The following MORN1 variants were observed in gnomAD, a reference collection of about 807,000 sequenced individuals.
The protein encoded by MORN1 is MORN repeat containing 1, also known as MORN repeat-containing protein 1.
A neutral mutation model predicts 61.9 loss-of-function variants in MORN1; 67 were observed. That is an observed-to-expected ratio of 1.08 (90% CI 0.89 to 1.33). MORN1 has a LOEUF of 1.33. MORN1 is among the 40% of genes most tolerant of loss of function. The probability of loss-of-function intolerance (pLI) is 0.00; values close to 1 mark genes in which losing one functional copy is unlikely to be tolerated. For synonymous variants in MORN1, 301 were observed against 292.0 expected, an observed-to-expected ratio of 1.03 and a Z score of -0.31; for missense variants, 752 against 691.2, an observed-to-expected ratio of 1.09 and a Z score of -0.99.
intron 10 of MORN1, chr1:2,350,327 C>T (rs886107540): frequency 2.6e-5 from 4 of 152,206 alleles, no homozygotes; most frequent in Non-Finnish European, 5.9e-5. Context: ...AACTAAACAA[C>T]TGAAATATTT....
chr1:2,385,038 C>T lies in MORN1; in HGVS notation c.477G>A (p.Trp159Ter), dbSNP rs1642460576. Residue 159 changes from tryptophan to a stop codon, truncating the protein, a stop_gained, in exon 6 of 14, where the codon TGG (tryptophan) becomes TGA (stop). Transcript: ENST00000378531. LOFTEE classifies it high-confidence loss of function. Reference sequence around the variant, plus strand: ...CGTGTCCCTGACGCCGGTCCCGGACCCAGTCGCCGTCGTACTTGTCACCGT... The same window carrying T: ...CGTGTCCCTGACGCCGGTCCCGGACTCAGTCGCCGTCGTACTTGTCACCGT... ...FQNGDKYDGD[W>*]VRDRRQGHGV... is the part of the protein sequence containing the mutation. 19 of 1,598,878 alleles carry T rather than the reference C, an allele frequency of 1.2e-5. No individual in the cohort carries two copies. Among genetic ancestry groups the T allele is most frequent in the Non-Finnish European group, 1.5e-5 (18 of 1,174,372 alleles).
At chr1:2,355,098 A>C in intron 10 of MORN1, 8 of 965,542 alleles carry the variant, frequency 8.3e-6, no homozygotes, top group Non-Finnish European at 8.7e-6. Flanking sequence ...CGCGCGGGGT[A>C]GGGTGCGATG....
intron 10 of MORN1, among the ~76,000 whole-genome samples, chr1:2,342,420 A>G (rs1412143881): frequency 6.6e-6 from 1 of 152,258 alleles, no homozygotes; most frequent in Non-Finnish European, 1.5e-5. Context: ...TTAAAAACAT[A>G]AAACGTTATT....
At chr1:2,323,860 G>T (rs1032310949) in intron 13 of MORN1, 2 of 985,064 alleles carry the variant, frequency 2.0e-6, no homozygotes, top group Non-Finnish European at 2.4e-6. Context: ...CCACATCAAG[G>T]GCTGTGTCGG....
rs116549910 is a variant in MORN1 at position 2,367,609 on chromosome 1, C to T, written c.745+4872G>A. 2.9e-3 allele frequency among the ~76,000 whole-genome samples: 434 copies of T among 152,278 alleles called. 2 individuals are homozygous for T. The highest frequency in any genetic ancestry group is 4.5e-3 in the Non-Finnish European group (308 of 68,032). ...ACCAAACAAAAAGATTAATACCGAA[C>T]GGTTCACAGTCCTAAATGTAAGAGC... On this transcript the variant is annotated intron_variant, in intron 8 of 13. Transcript: ENST00000378531.
chr1:2,370,169 C>T (rs1329814995), intron 8 of MORN1, among the ~76,000 whole-genome samples: 3 of 152,174 alleles, frequency 2.0e-5, no homozygotes, highest in East Asian at 1.9e-4. Flanking sequence ...GTGGAGCAGA[C>T]GGGGGGTCCA....
rs1557896292 is a variant in MORN1, at chr1:2,388,305, A to G, written c.181T>C (p.Tyr61His). ...HGKLLFKDGS[Y>H]YEGAFVDGEI... The stretch of plus-strand genomic sequence containing the variant: ...CCGTCCACAAACGCCCCTTCGTAAT[A>G]ACTGCCATCTTTAAATAACAACTTC... Residue 61 changes from tyrosine to histidine, a missense_variant, in exon 3 of 14, where the codon TAT (tyrosine) becomes CAT (histidine). Transcript: ENST00000378531. 6.2e-7 allele frequency: 1 copy of G among 1,613,990 alleles called. No individual in the cohort carries two copies. The highest frequency in any genetic ancestry group is 8.5e-7 in the Non-Finnish European group (1 of 1,179,986).
At chr1:2,387,235 G>T in intron 4 of MORN1, 184 bp downstream of exon 4, 1 of 616,156 alleles carries the variant, frequency 1.6e-6, no homozygotes, top group Non-Finnish European at 2.9e-6. Context: ...TGGGCATACT[G>T]GTGTATGCCG....
rs1268161409 is a variant in MORN1 at position 2,337,791 on chromosome 1, C to T, written c.1037-941G>A. Among the ~76,000 whole-genome samples the T allele has an allele frequency of 6.6e-6, 1 of 152,114 alleles. No individual in the cohort carries two copies. Among genetic ancestry groups the T allele is most frequent in the Non-Finnish European group, 1.5e-5 (1 of 68,008 alleles). On this transcript the variant is annotated intron_variant, in intron 10 of 13. Coordinates refer to ENST00000378531, the MANE Select transcript of MORN1 (RefSeq NM_024848.3). The surrounding 1 kb of genome is among the most constrained non-coding windows in gnomAD (Gnocchi z 5.7). ...TGTGGTGAGGGCTGGAGGTCGGCAC[C>T]AGAGCTGGCTGGACAGGGGAGTTCT...
chr1:2,374,689 C>T (rs1045402474), intron 6 of MORN1, 132 bp from the exon 7 acceptor site: 7 of 683,704 alleles, frequency 1.0e-5, no homozygotes, highest in Non-Finnish European at 7.5e-6. Context: ...CACATCGTCT[C>T]GAGGGTCCTT....
At chr1:2,328,827 C>A (rs1050483755) in intron 12 of MORN1, among the ~76,000 whole-genome samples, 6 of 152,198 alleles carry the variant, frequency 3.9e-5, no homozygotes, top group African/African-American at 1.2e-4. Flanking sequence ...ATGGAACACC[C>A]GGAGAATGTG....
intron 10 of MORN1, among the ~76,000 whole-genome samples, chr1:2,340,056 C>T (rs568930105): frequency 6.6e-6 from 1 of 152,352 alleles, no homozygotes; most frequent in East Asian, 1.9e-4. Context: ...ATCAGGGTGG[C>T]CCTGGCCTGA....
chr1:2,344,902 C>G lies in MORN1; in HGVS notation c.1037-8052G>C, dbSNP rs570085304. 3.9e-5 allele frequency among the ~76,000 whole-genome samples: 6 copies of G among 152,368 alleles called. No individual in the cohort carries two copies. The East Asian group carries it at 1.2e-3, about 29-fold the overall frequency. On this transcript the variant is annotated intron_variant, in intron 10 of 13. Coordinates refer to ENST00000378531, the MANE Select transcript of MORN1 (RefSeq NM_024848.3). ...TGACCGTCTCTCTGTTGGCACAAAG[C>G]GAGAGCATCAAAGACAGCGTCAGCC...
Position 2,336,148 on chromosome 1 carries a change from C to T in MORN1, c.1250+321G>A, listed in dbSNP as rs917722489. Among the ~76,000 whole-genome samples the T allele has an allele frequency of 6.0e-4, 92 of 152,222 alleles. 2 individuals carry two copies. The highest frequency in any genetic ancestry group is 1.9e-4 in the Non-Finnish European group (13 of 68,028). The stretch of plus-strand genomic sequence containing the variant: ...ACCAGCCGTCTTCCTCTGAGAGGCC[C>T]CGCACCCCTCCTGCCTCTCTGCTTC... On this transcript the variant is annotated intron_variant, in intron 12 of 13. Coordinates refer to ENST00000378531, the MANE Select transcript of MORN1 (RefSeq NM_024848.3).
At chr1:2,322,180 C>T (rs1640896462) in intron 13 of MORN1, 2 of 985,404 alleles carry the variant, frequency 2.0e-6, no homozygotes, top group Non-Finnish European at 2.4e-6. Context: ...AGTCTGTAAA[C>T]TGTCTGGAGA....
In MORN1 at chr1:2,334,788, A is replaced by G. The variant is rs1329119390; in HGVS notation, c.1250+1681T>C. 6.6e-6 allele frequency among the ~76,000 whole-genome samples: 1 copy of G among 152,224 alleles called. No individual in the cohort carries two copies. The highest frequency in any genetic ancestry group is 1.5e-5 in the Non-Finnish European group (1 of 68,034). On this transcript the variant is annotated intron_variant, in intron 12 of 13. Coordinates refer to ENST00000378531, the MANE Select transcript of MORN1 (RefSeq NM_024848.3). The surrounding 1 kb of genome is among the most constrained non-coding windows in gnomAD (Gnocchi z 5.4). Reference sequence around the variant, plus strand: ...GCTGGGAGGCCCAGGCTGGGAGCAGACGCCGACCCCTCCGTTCTCTCAGGT... The same window carrying G: ...GCTGGGAGGCCCAGGCTGGGAGCAGGCGCCGACCCCTCCGTTCTCTCAGGT...
At chr1:2,329,185 C>T (rs1419820814) in intron 12 of MORN1, among the ~76,000 whole-genome samples, 1 of 152,212 alleles carries the variant, frequency 6.6e-6, no homozygotes. Context: ...CGCCCTGCCC[C>T]AGCCCCTCCG....
At chr1:2,331,063 G>A (rs1038928601) in intron 12 of MORN1, among the ~76,000 whole-genome samples, 5 of 151,982 alleles carry the variant, frequency 3.3e-5, no homozygotes, top group South Asian at 2.1e-4. Flanking sequence ...AGCAGGCGGC[G>A]GGCACGTGCG....
rs1404099923 is a variant in MORN1 at position 2,374,801 on chromosome 1, TGG to T, written c.538-246_538-245del. ...GGAATTTTAACGATGCCAGGAGGTA[TGG>T]GAACAACGGCACAGTATATAAAATG... On this transcript the variant is annotated intron_variant, in intron 6 of 13. Transcript: ENST00000378531. 8.2e-6 allele frequency: 4 copies of T among 485,914 alleles called. No homozygotes were observed. In the East Asian group the frequency reaches 1.4e-4, roughly 16 times the overall value. The allele number at this position is 485,914 out of a possible 1,614,324, so 30.1% of individuals were successfully genotyped here. A position where few individuals can be genotyped will look rare whatever the true frequency, so the allele number is the denominator to read the frequency against.
Sources: gnomAD v4.1 joint callset for allele counts (sites outside exome capture counted in the v4.1 genomes callset) on GRCh38, gnomAD v4.1.1 for gene constraint, Gnocchi (gnomAD v3.1) non-coding constraint, MANE v1.5 for transcripts, NCBI Gene and HGNC (gene_info 2026-07-23, HGNC 2026-07-21) for gene names.